Variants in FUT9 observed in about 807,000 individuals in gnomAD.
FUT9 encodes the protein 4-galactosyl-N-acetylglucosaminide 3-alpha-L-fucosyltransferase 9.
Under a neutral mutation model 29.7 loss-of-function variants are expected in FUT9, and 15 were observed. The ratio of observed to expected loss-of-function variants is 0.51; its 90% CI spans 0.34 to 0.78. The LOEUF (loss-of-function observed/expected upper bound fraction) is 0.78, where lower values mean the gene tolerates loss of function less well. Ranked by LOEUF, FUT9 falls within the 30% of genes least tolerant of loss-of-function variation. The probability of loss-of-function intolerance (pLI) is 0.01; values close to 1 mark genes in which losing one functional copy is unlikely to be tolerated. For synonymous variants in FUT9, 169 were observed against 153.7 expected (o/e 1.10, Z -0.74); for missense variants, 319 against 425.4 (o/e 0.75, Z 2.20).
intron 1 of FUT9, among the ~76,000 whole-genome samples, chr6:96,049,043 A>G (rs1447902475): frequency 6.6e-6 from 1 of 152,206 alleles, no homozygotes; most frequent in African/African-American, 2.4e-5. Context: ...TACATGTAAA[A>G]TTATTTGAAT....
intron 1 of FUT9, among the ~76,000 whole-genome samples, chr6:96,032,092 T>C (rs369013317): frequency 1.3e-5 from 2 of 151,748 alleles, no homozygotes; most frequent in East Asian, 3.9e-4. Context: ...TTGAGCTCTG[T>C]GGAACATATT....
intron 2 of FUT9, among the ~76,000 whole-genome samples, chr6:96,165,994 T>C (rs1417598850): frequency 6.6e-6 from 1 of 152,136 alleles, no homozygotes. Context: ...AGCTTCGGCT[T>C]GTGGTTTTGA....
At chr6:96,074,114 C>T (rs2127948468) in intron 1 of FUT9, among the ~76,000 whole-genome samples, 1 of 152,258 alleles carries the variant, frequency 6.6e-6, no homozygotes, top group East Asian at 1.9e-4. Context: ...TTTATTATCT[C>T]ACCGAATATT....
intron 1 of FUT9, among the ~76,000 whole-genome samples, chr6:96,019,458 C>A (rs1770033430): frequency 6.6e-6 from 1 of 151,922 alleles, no homozygotes; most frequent in African/African-American, 2.4e-5. Flanking sequence ...AAATAACCCC[C>A]AAATTACACT....
At chr6:96,078,489 T>C (rs557836705) in intron 1 of FUT9, among the ~76,000 whole-genome samples, 16 of 139,576 alleles carry the variant, frequency 1.1e-4, no homozygotes, top group African/African-American at 3.3e-4. Flanking sequence ...GGCGCGATCT[T>C]GGCTCACTGC....
intron 1 of FUT9, among the ~76,000 whole-genome samples, chr6:96,052,587 A>G (rs1230253395): frequency 1.3e-5 from 2 of 151,916 alleles, no homozygotes; most frequent in Non-Finnish European, 2.9e-5. Flanking sequence ...GCCAAATCTC[A>G]TGTGCTCCCT....
intron 1 of FUT9, among the ~76,000 whole-genome samples, chr6:96,025,027 T>A (rs1770139667): frequency 6.6e-6 from 1 of 151,832 alleles, no homozygotes; most frequent in Non-Finnish European, 1.5e-5. Context: ...CAACACAGCA[T>A]TTGCCATGAT....
At chr6:96,101,310 G>T (rs908168642) in intron 1 of FUT9, among the ~76,000 whole-genome samples, 6 of 152,012 alleles carry the variant, frequency 3.9e-5, no homozygotes, top group Admixed American at 6.5e-5. Flanking sequence ...AGGCCAAGGT[G>T]GGTGGATCAC....
intron 1 of FUT9, among the ~76,000 whole-genome samples, chr6:96,046,322 C>A (rs1451861188): frequency 6.6e-6 from 1 of 151,884 alleles, no homozygotes; most frequent in Admixed American, 6.6e-5. Flanking sequence ...CTTTTCTGTT[C>A]TATTTCATTT....
chr6:96,182,769 T>A (rs1472179828), intron 2 of FUT9, among the ~76,000 whole-genome samples: 2 of 152,140 alleles, frequency 1.3e-5, no homozygotes, highest in East Asian at 3.9e-4. Flanking sequence ...GGTTTATTTC[T>A]GGGTTCTCTA....
chr6:96,184,966 A>G (rs1013782592), intron 2 of FUT9, among the ~76,000 whole-genome samples: 1 of 152,000 alleles, frequency 6.6e-6, no homozygotes, highest in African/African-American at 2.4e-5. Context: ...TCATAGATAG[A>G]AATGCTTTTT....
chr6:96,117,418 A>G (rs1363587236), intron 2 of FUT9, among the ~76,000 whole-genome samples: 2 of 152,228 alleles, frequency 1.3e-5, no homozygotes, highest in African/African-American at 4.8e-5. Context: ...ATGGGTCTAC[A>G]CACATAACAT....
chr6:96,141,911 AC>A (rs1280010464), intron 2 of FUT9, among the ~76,000 whole-genome samples: 1 of 152,086 alleles, frequency 6.6e-6, no homozygotes, highest in Non-Finnish European at 1.5e-5. Flanking sequence ...TCTGCTGTGT[AC>A]TCATCTTCCA....
At chr6:96,134,686 TTACCA>T (rs1212570464) in intron 2 of FUT9, among the ~76,000 whole-genome samples, 2 of 151,820 alleles carry the variant, frequency 1.3e-5, no homozygotes, top group Non-Finnish European at 2.9e-5. Flanking sequence ...TAACTACATT[TTACCA>T]AATAGTGCAA....
chr6:96,044,882 GTTTAT>G (rs955711673), intron 1 of FUT9, among the ~76,000 whole-genome samples: 1 of 152,102 alleles, frequency 6.6e-6, no homozygotes, highest in Non-Finnish European at 1.5e-5. Flanking sequence ...AATTTACACT[GTTTAT>G]TTTAACATTA....
At chr6:96,170,743 T>C (rs1773099089) in intron 2 of FUT9, among the ~76,000 whole-genome samples, 1 of 152,152 alleles carries the variant, frequency 6.6e-6, no homozygotes, top group Non-Finnish European at 1.5e-5. Context: ...GAAATATCTT[T>C]TTCTAACTCT....
chr6:96,102,397 T>G (rs921655396), intron 1 of FUT9, among the ~76,000 whole-genome samples: 9 of 152,302 alleles, frequency 5.9e-5, no homozygotes, highest in African/African-American at 2.2e-4. Context: ...GTTTTGTTTT[T>G]ACTGAGATAA....
intron 1 of FUT9, among the ~76,000 whole-genome samples, chr6:96,058,951 A>G (rs1210808241): frequency 6.6e-6 from 1 of 152,204 alleles, no homozygotes; most frequent in Non-Finnish European, 1.5e-5. Flanking sequence ...AAACAATCTG[A>G]TGTATCACTT....
chr6:96,207,188 AG>A lies in FUT9; in HGVS notation c.*2954del, dbSNP rs1264570785. On this transcript the variant is annotated 3_prime_UTR_variant, in exon 3 of 3. Transcript: ENST00000302103. ...TTTTCTTTCTACTTATGAGTTAACTAGATCCAGAGATATTTATTCAAGACAC... is the reference window on the plus strand; with the variant it reads ...TTTTCTTTCTACTTATGAGTTAACTAATCCAGAGATATTTATTCAAGACAC... 1 of 165,638 alleles carries A rather than the reference AG, an allele frequency of 6.0e-6. No homozygotes were observed. Among genetic ancestry groups the A allele is most frequent in the Non-Finnish European group, 1.5e-5 (1 of 68,062 alleles). The allele number at this position is 165,638 out of a possible 1,614,324, so 10.3% of individuals were successfully genotyped here.
Sources: allele counts gnomAD v4.1 joint callset (sites outside exome capture counted in the v4.1 genomes callset), GRCh38; gene constraint gnomAD v4.1.1; transcripts MANE v1.5; gene names NCBI Gene and HGNC (gene_info 2026-07-23, HGNC 2026-07-21).